ZNF341: variants seen among roughly 807,000 people sequenced by gnomAD.
The protein encoded by ZNF341 is zinc finger protein 341.
Under a neutral mutation model 87.7 loss-of-function variants are expected in ZNF341, and 52 were observed. The ratio of observed to expected loss-of-function variants is 0.59; its 90% CI spans 0.47 to 0.75. The LOEUF (loss-of-function observed/expected upper bound fraction) is 0.75, where lower values mean the gene tolerates loss of function less well. Ranked by LOEUF, ZNF341 falls within the 30% of genes least tolerant of loss-of-function variation. The pLI is 0.00. For synonymous variants in ZNF341, 459 were observed against 472.7 expected, an observed-to-expected ratio of 0.97 and a Z score of 0.38; for missense variants, 977 against 1,145.9, an observed-to-expected ratio of 0.85 and a Z score of 2.13.
At chr20:33,747,180 T>G (rs2018944019) in intron 3 of ZNF341, among the ~76,000 whole-genome samples, 1 of 152,150 alleles carries the variant, frequency 6.6e-6, no homozygotes, top group African/African-American at 2.4e-5. Flanking sequence ...GGTCAGATTT[T>G]CAACTGGCTT....
rs1309763201 is a variant in ZNF341, at chr20:33,791,724, G to A, written c.*207G>A. On this transcript the variant is annotated 3_prime_UTR_variant, in exon 15 of 15. Transcript: ENST00000375200. ...GAAAGCCCTGCAACATTCTAGGGTT[G>A]GGGGCAGGGCCATCCACGGTTTCTG... The A allele has an allele frequency of 5.6e-5, 32 of 572,764 alleles. No homozygotes were observed. The highest frequency in any genetic ancestry group is 9.2e-5 in the Non-Finnish European group (31 of 337,908). 35.5% of individuals were successfully genotyped at this position (572,764 alleles called of 1,614,324 possible). A position where few individuals can be genotyped will look rare whatever the true frequency, so the allele number is the denominator to read the frequency against.
At chr20:33,764,063 TGC>T (rs2019348203) in intron 8 of ZNF341, among the ~76,000 whole-genome samples, 1 of 150,038 alleles carries the variant, frequency 6.7e-6, no homozygotes, top group Non-Finnish European at 1.5e-5. Flanking sequence ...CTCACTCTGT[TGC>T]CCAGGCTGGA....
intron 2 of ZNF341, 77 bp downstream of exon 2, chr20:33,741,089 G>A (rs1319730282): frequency 1.1e-5 from 16 of 1,393,538 alleles, no homozygotes; most frequent in African/African-American, 5.7e-5. Flanking sequence ...GTGCTGGGCT[G>A]TGGGAGTGAA....
Position 33,757,260 on chromosome 20 carries a change from C to G in ZNF341, c.854C>G (p.Ala285Gly). The stretch of plus-strand genomic sequence containing the variant: ...AACCCCGCCGCCCCCATGACCAGCG[C>G]CACCGGGGGCACGGTGGCCACCTTT... Reference protein sequence around the residue: ...GPNPAAPMTSATGGTVATFDS... With the variant: ...GPNPAAPMTSGTGGTVATFDS... The change falls in exon 6 of 15, where the codon GCC becomes GGC. Residue 285 changes from alanine (A) to glycine (G), a missense_variant. Around this residue, in one of 3 missense-constraint regions of ZNF341, gnomAD observed 515 missense variants for 598.2 expected, o/e 0.86. Transcript: ENST00000375200. 6.2e-7 allele frequency: 1 copy of G among 1,606,170 alleles called. No individual in the cohort carries two copies. Among genetic ancestry groups the G allele is most frequent in the East Asian group, 2.3e-5 (1 of 43,956 alleles).
chr20:33,772,557 A>T (rs1329657269), intron 10 of ZNF341, among the ~76,000 whole-genome samples: 1 of 152,206 alleles, frequency 6.6e-6, no homozygotes, highest in Non-Finnish European at 1.5e-5. Flanking sequence ...AGGTATAGAG[A>T]TACCACAGGG....
In ZNF341 at chr20:33,746,845, G is replaced by A. The variant is rs569309827; in HGVS notation, c.339+1546G>A. Among the ~76,000 whole-genome samples, 6 of 152,272 alleles carry A rather than the reference G, an allele frequency of 3.9e-5. No homozygotes were observed. In the South Asian group the frequency reaches 1.2e-3, roughly 32 times the overall value. ...TGTGAGATCAAGAAGGGTCACAGAG[G>A]ACTCCTGATTTAGAGTTGCCACTAG... On this transcript the variant is annotated intron_variant, in intron 3 of 14. Coordinates refer to ENST00000375200, the MANE Select transcript of ZNF341 (RefSeq NM_001282933.2).
At chr20:33,753,563 G>A in intron 5 of ZNF341, 140 bp downstream of exon 5, 2 of 1,138,556 alleles carry the variant, frequency 1.8e-6, no homozygotes, top group Non-Finnish European at 2.4e-6. Context: ...GCCTTCATGG[G>A]GTGTACCACA....
At position 33,732,484 on chromosome 20, in the gene ZNF341, C is replaced by G. The variant is rs973219680; in HGVS notation, c.31+432C>G. ...GCCTCGGCGGCCTGACCACGAAGAA[C>G]TTCTGCGGAGCGGACTGTATGCCTC... is the stretch of plus-strand genomic sequence containing the variant. On this transcript the variant is annotated intron_variant, in intron 1 of 14. Coordinates refer to ENST00000375200, the MANE Select transcript of ZNF341 (RefSeq NM_001282933.2). The surrounding 1 kb of genome is among the most constrained non-coding windows in gnomAD (Gnocchi z 4.5). Among the ~76,000 whole-genome samples, 2 of 152,206 alleles carry G rather than the reference C, an allele frequency of 1.3e-5. No individual in the cohort carries two copies. The highest frequency in any genetic ancestry group is 4.8e-5 in the African/African-American group (2 of 41,468).
At chr20:33,767,117 G>A in intron 9 of ZNF341, 76 bp downstream of exon 9, 1 of 1,506,046 alleles carries the variant, frequency 6.6e-7, no homozygotes, top group South Asian at 1.3e-5. Context: ...CTTGAATGCT[G>A]CCTAGAAAGG....
Position 33,758,716 on chromosome 20 carries a change from C to CT in ZNF341, c.939dup (p.Ala314CysfsTer15), listed in dbSNP as rs779551128. 1 of 1,613,116 alleles carries CT rather than the reference C, an allele frequency of 6.2e-7. No homozygotes were observed. Among genetic ancestry groups the CT allele is most frequent in the Non-Finnish European group, 8.5e-7 (1 of 1,179,620 alleles). ...TCCCCTCCTTCCACTTGTCTTTCAG[C>CT]TGCAGGGAAGCCAAAGGCTCAGAAA... On this transcript the variant is annotated frameshift_variant and splice_region_variant, in exon 7 of 15. Coordinates refer to ENST00000375200, the MANE Select transcript of ZNF341 (RefSeq NM_001282933.2). LOFTEE classifies it high-confidence loss of function.
chr20:33,791,801 G>A lies in ZNF341; in HGVS notation c.*284G>A, dbSNP rs1191128082. The A allele has an allele frequency of 2.5e-6, 1 of 398,112 alleles. No individual in the cohort carries two copies. Among genetic ancestry groups the A allele is most frequent in the African/African-American group, 2.0e-5 (1 of 49,854 alleles). 24.7% of individuals were successfully genotyped at this position (398,112 alleles called of 1,614,324 possible). A position where few individuals can be genotyped will look rare whatever the true frequency, so the allele number is the denominator to read the frequency against. ...ATGGCTGAAGCCTGAGCAGCCCAGA[G>A]TCCCGCTGGTCTAGGCTGGTGGTCG... On this transcript the variant is annotated 3_prime_UTR_variant, in exon 15 of 15. Transcript: ENST00000375200.
chr20:33,791,981 C>G lies in ZNF341; in HGVS notation c.*464C>G, dbSNP rs1401012581. ...CACAGACGGTTCCCCACAGCATCCT[C>G]AGACAGCTCTGTGATGTAGCTTTTA... On this transcript the variant is annotated 3_prime_UTR_variant, in exon 15 of 15. Coordinates refer to ENST00000375200, the MANE Select transcript of ZNF341 (RefSeq NM_001282933.2). 1 of 158,092 alleles carries G rather than the reference C, an allele frequency of 6.3e-6. No individual in the cohort carries two copies. The highest frequency in any genetic ancestry group is 1.4e-5 in the Non-Finnish European group (1 of 72,128). The allele number at this position is 158,092 out of a possible 1,614,324, so 9.8% of individuals were successfully genotyped here.
rs780857153 is a variant in ZNF341 at position 33,740,993 on chromosome 20, C to G, written c.123C>G (p.Pro41=). The part of the protein sequence containing the change: ...PDPTGQSVNA[P]PAIQPLDDED... Reference sequence around the variant, plus strand: ...CGACAGGCCAGAGTGTCAATGCGCCCCCTGCTATCCAGCCATTGGGTGAGT... The same window carrying G: ...CGACAGGCCAGAGTGTCAATGCGCCGCCTGCTATCCAGCCATTGGGTGAGT... The change falls in exon 2 of 15, where the codon CCC becomes CCG. Residue 41 remains proline (P), a synonymous_variant. Coordinates refer to ENST00000375200, the MANE Select transcript of ZNF341 (RefSeq NM_001282933.2). 21 of 1,614,016 alleles carry G rather than the reference C, an allele frequency of 1.3e-5. No homozygotes were observed. In the Admixed American group the frequency reaches 3.5e-4, roughly 27 times the overall value.
chr20:33,732,080 G>C lies in ZNF341; in HGVS notation c.31+28G>C, dbSNP rs1336599894. The C allele has an allele frequency of 2.4e-6, 3 of 1,245,922 alleles. No homozygotes were observed. The highest frequency in any genetic ancestry group is 3.0e-6 in the Non-Finnish European group (3 of 990,768). 77.2% of individuals were successfully genotyped at this position (1,245,922 alleles called of 1,614,324 possible). A position where few individuals can be genotyped will look rare whatever the true frequency, so the allele number is the denominator to read the frequency against. ...GAGCGGCGGCGGGGCCGGCGGAGGC[G>C]GCTGTTCCGCGCTGCGCCCCCTCCC... On this transcript the variant is annotated intron_variant, in intron 1 of 14. Coordinates refer to ENST00000375200, the MANE Select transcript of ZNF341 (RefSeq NM_001282933.2). This position sits in a 1 kb window ranked among gnomAD's most constrained non-coding sequence, Gnocchi z 4.5.
intron 14 of ZNF341, among the ~76,000 whole-genome samples, chr20:33,790,718 C>T (rs1398164981): frequency 6.6e-6 from 1 of 152,152 alleles, no homozygotes; most frequent in African/African-American, 2.4e-5. Context: ...CAAAGCGAGC[C>T]AAGGTGCAGA....
At position 33,770,211 on chromosome 20, in the gene ZNF341, C is replaced by T. The variant is rs1427500721; in HGVS notation, c.1541C>T (p.Ser514Leu). 4.3e-6 allele frequency: 7 copies of T among 1,614,174 alleles called. No homozygotes were observed. The highest frequency in any genetic ancestry group is 4.0e-5 in the African/African-American group (3 of 75,034). The part of the protein sequence containing the change: ...RCHLCGKDFP[S>L]LYDLGVHQYS... Reference sequence around the variant, plus strand: ...CACCTCTGCGGCAAGGACTTCCCCTCGCTGTACGACCTGGGCGTGCACCAG... The same window carrying T: ...CACCTCTGCGGCAAGGACTTCCCCTTGCTGTACGACCTGGGCGTGCACCAG... The change falls in exon 10 of 15, where the codon TCG becomes TTG. Residue 514 changes from serine (S) to leucine (L), a missense_variant. Ser to Leu is a moderately radical substitution (Grantham distance 145). Around this residue, in one of 3 missense-constraint regions of ZNF341, gnomAD observed 241 missense variants for 335.0 expected, o/e 0.72. Coordinates refer to ENST00000375200, the MANE Select transcript of ZNF341 (RefSeq NM_001282933.2).
At chr20:33,772,288 G>A (rs1396085244) in intron 10 of ZNF341, among the ~76,000 whole-genome samples, 1 of 152,132 alleles carries the variant, frequency 6.6e-6, no homozygotes, top group Non-Finnish European at 1.5e-5. Flanking sequence ...AAGGCCAGGA[G>A]TGGTGTTTGT....
rs2019193997 is a variant in ZNF341, at chr20:33,757,201, C to T, written c.795C>T (p.Ser265=). The change falls in exon 6 of 15, where the codon AGC becomes AGT. Residue 265 remains serine, a synonymous_variant. Transcript: ENST00000375200. ...PPVYPTPTVY[S]PGKQGFKPKG... is the part of the protein sequence containing the mutation. ...TATATCCCACCCCCACAGTGTACAG[C>T]CCTGGCAAACAGGGATTCAAACCCA... 6.3e-7 allele frequency: 1 copy of T among 1,598,460 alleles called. No individual in the cohort carries two copies. Among genetic ancestry groups the T allele is most frequent in the African/African-American group, 1.4e-5 (1 of 74,050 alleles).
intron 4 of ZNF341, among the ~76,000 whole-genome samples, chr20:33,751,067 A>G (rs2019045217): frequency 6.6e-6 from 1 of 152,088 alleles, no homozygotes; most frequent in South Asian, 2.1e-4. Context: ...GAGCCACTGC[A>G]CCCAGCAGTA....
Sources: gnomAD v4.1 joint callset for allele counts (sites outside exome capture counted in the v4.1 genomes callset) on GRCh38, gnomAD v4.1.1 for gene constraint, gnomAD v4.1.1 regional missense constraint, Gnocchi (gnomAD v3.1) non-coding constraint, MANE v1.5 for transcripts, NCBI Gene and HGNC (gene_info 2026-07-23, HGNC 2026-07-21) for gene names.